The following CYB5R4 variants were observed in gnomAD, a reference collection of about 807,000 sequenced individuals.
CYB5R4 encodes the protein cytochrome b5 reductase 4.
Under a neutral mutation model 70.2 loss-of-function variants are expected in CYB5R4, and 55 were observed. That is an observed-to-expected ratio of 0.78 (90% CI 0.63 to 0.98). CYB5R4 has a LOEUF of 0.98. Ranked by LOEUF, CYB5R4 falls within the 50% of genes least tolerant of loss-of-function variation. CYB5R4 has a pLI of 0.00. For missense variants in CYB5R4, 562 were observed against 612.6 expected (o/e 0.92, Z 0.87); for synonymous variants, 197 against 199.5 (o/e 0.99, Z 0.11).
At chr6:83,941,545 C>G (rs2099469767) in intron 14 of CYB5R4, among the ~76,000 whole-genome samples, 1 of 152,068 alleles carries the variant, frequency 6.6e-6, no homozygotes, top group South Asian at 2.1e-4. Context: ...GTTAGCTGTC[C>G]AGGGGCTCGA....
At chr6:83,901,599 A>G (rs1016605689) in intron 3 of CYB5R4, among the ~76,000 whole-genome samples, 1 of 152,148 alleles carries the variant, frequency 6.6e-6, no homozygotes, top group Non-Finnish European at 1.5e-5. Context: ...AGGTACACCA[A>G]TCAGACGTAG....
At chr6:83,910,899 C>T (rs971042431) in intron 4 of CYB5R4, among the ~76,000 whole-genome samples, 17 of 152,138 alleles carry the variant, frequency 1.1e-4, no homozygotes, top group South Asian at 8.3e-4. Flanking sequence ...TTTTAATCCT[C>T]GGATTTTTCA....
intron 3 of CYB5R4, 28 bp downstream of exon 3, chr6:83,893,650 A>G: frequency 1.5e-6 from 2 of 1,298,008 alleles, no homozygotes; most frequent in Non-Finnish European, 2.2e-6. Context: ...TAACCAAAGT[A>G]TTCCGGTGGA....
intron 4 of CYB5R4, 150 bp downstream of exon 4, chr6:83,909,240 C>T (rs2099464296): frequency 1.9e-6 from 1 of 530,318 alleles, no homozygotes; most frequent in Non-Finnish European, 3.3e-6. Flanking sequence ...GGTTTTCCTT[C>T]ATTTCTTCTC....
intron 14 of CYB5R4, among the ~76,000 whole-genome samples, chr6:83,954,701 A>G (rs1488760442): frequency 6.6e-6 from 1 of 151,824 alleles, no homozygotes; most frequent in Non-Finnish European, 1.5e-5. Context: ...GTTCTCTGAG[A>G]TCCCTTGGGA....
intron 4 of CYB5R4, chr6:83,910,003 G>T (rs1253730497): frequency 7.1e-5 from 114 of 1,603,112 alleles, no homozygotes; most frequent in Non-Finnish European, 9.5e-5. Flanking sequence ...AAAAATGATG[G>T]TATTAGTGGC....
rs1466320917 is a variant in CYB5R4 at position 83,967,372 on chromosome 6, T to C, written c.*7494T>C. ...TTGGCAGTGGTTGTATTAGTATTGT[T>C]ATTCTGAAGATGTGAAATAATGCAA... On this transcript the variant is annotated 3_prime_UTR_variant, in exon 16 of 16. Coordinates refer to ENST00000369681, the MANE Select transcript of CYB5R4 (RefSeq NM_016230.4). The C allele has an allele frequency of 6.6e-6, 1 of 152,234 alleles. No homozygotes were observed. Among genetic ancestry groups the C allele is most frequent in the Admixed American group, 6.5e-5 (1 of 15,286 alleles). 9.4% of individuals were successfully genotyped at this position (152,234 alleles called of 1,614,324 possible). A position where few individuals can be genotyped will look rare whatever the true frequency, so the allele number is the denominator to read the frequency against.
intron 3 of CYB5R4, among the ~76,000 whole-genome samples, chr6:83,901,561 A>T (rs1005767285): frequency 6.6e-6 from 1 of 152,142 alleles, no homozygotes; most frequent in East Asian, 1.9e-4. Context: ...GTGTTTTCCA[A>T]CTTGTTTCCA....
chr6:83,934,705 C>A lies in CYB5R4; in HGVS notation c.925C>A (p.Gln309Lys). 6.2e-7 allele frequency: 1 copy of A among 1,613,434 alleles called. No individual in the cohort carries two copies. Among genetic ancestry groups the A allele is most frequent in the Non-Finnish European group, 8.5e-7 (1 of 1,179,688 alleles). ...CACTCATCTTCAAGTGCCCATTGGG[C>A]AACATGTTTACCTCAAGCTACCTAT... is the stretch of plus-strand genomic sequence containing the variant. ...PSTHLQVPIG[Q>K]HVYLKLPITG... is the part of the protein sequence containing the mutation. Residue 309 changes from glutamine to lysine, a missense_variant, in exon 11 of 16, where the codon CAA becomes AAA. Transcript: ENST00000369681.
chr6:83,889,191 A>C (rs893394476), intron 2 of CYB5R4, among the ~76,000 whole-genome samples: 4 of 152,230 alleles, frequency 2.6e-5, no homozygotes, highest in African/African-American at 9.6e-5. Context: ...GTTATCTAGA[A>C]GATCTAGCTA....
chr6:83,887,693 CTCAG>C (rs1426526402), intron 2 of CYB5R4, among the ~76,000 whole-genome samples: 2 of 150,358 alleles, frequency 1.3e-5, no homozygotes, highest in East Asian at 3.9e-4. Flanking sequence ...CTGAACAGTT[CTCAG>C]TCAGTCCTTT....
chr6:83,945,763 A>G (rs1404555543), intron 14 of CYB5R4, among the ~76,000 whole-genome samples: 1 of 152,222 alleles, frequency 6.6e-6, no homozygotes, highest in Non-Finnish European at 1.5e-5. Context: ...CCACAGAAAT[A>G]CAGACTACCA....
Position 83,960,111 on chromosome 6 carries a change from C to T in CYB5R4, c.*233C>T, listed in dbSNP as rs1418092165. On this transcript the variant is annotated 3_prime_UTR_variant, in exon 16 of 16. Transcript: ENST00000369681. ...GGAAAGTTAATCATGGCAACAAATA[C>T]ATACAGGATTCTTTGTTATGAATCA... is the stretch of plus-strand genomic sequence containing the variant. 2.8e-6 allele frequency: 1 copy of T among 356,964 alleles called. No individual in the cohort carries two copies. The highest frequency in any genetic ancestry group is 5.0e-6 in the Non-Finnish European group (1 of 200,136). 22.1% of individuals were successfully genotyped at this position (356,964 alleles called of 1,614,324 possible).
At chr6:83,887,204 C>T (rs1252107906) in intron 2 of CYB5R4, among the ~76,000 whole-genome samples, 9 of 152,014 alleles carry the variant, frequency 5.9e-5, no homozygotes. Context: ...AGCTACTAGG[C>T]ACTGGATCTG....
chr6:83,917,427 AT>A (rs1303087899), intron 5 of CYB5R4, among the ~76,000 whole-genome samples: 1 of 152,172 alleles, frequency 6.6e-6, no homozygotes, highest in Non-Finnish European at 1.5e-5. Context: ...GTAAAAGAAT[AT>A]TTATATCAAC....
intron 3 of CYB5R4, among the ~76,000 whole-genome samples, chr6:83,893,945 G>A (rs1050128354): frequency 1.3e-5 from 2 of 152,142 alleles, no homozygotes; most frequent in Non-Finnish European, 2.9e-5. Flanking sequence ...TTGGAAGAAG[G>A]AACATTGGGA....
chr6:83,863,819 CTA>C (rs2099456343), intron 1 of CYB5R4, among the ~76,000 whole-genome samples: 1 of 152,108 alleles, frequency 6.6e-6, no homozygotes. Flanking sequence ...TATTAGTAAT[CTA>C]GAGATTATTT....
chr6:83,871,167 T>C (rs1051277425), intron 2 of CYB5R4, among the ~76,000 whole-genome samples: 4 of 151,790 alleles, frequency 2.6e-5, no homozygotes, highest in East Asian at 3.9e-4. Flanking sequence ...TTAGTAGAGA[T>C]GGGGGTTTCA....
intron 9 of CYB5R4, among the ~76,000 whole-genome samples, chr6:83,922,803 G>A (rs1273870210): frequency 6.7e-6 from 1 of 149,956 alleles, no homozygotes; most frequent in Non-Finnish European, 1.5e-5. Context: ...CCTTTTTTGT[G>A]TGTGAGATGG....
Sources: gnomAD v4.1 joint callset for allele counts (sites outside exome capture counted in the v4.1 genomes callset) on GRCh38, gnomAD v4.1.1 for gene constraint, MANE v1.5 for transcripts, NCBI Gene and HGNC (gene_info 2026-07-23, HGNC 2026-07-21) for gene names.